TMEM87A: variants seen among roughly 807,000 people sequenced by gnomAD.
The protein encoded by TMEM87A is transmembrane protein 87A, also known as Golgi-pH regulating cation channel.
In TMEM87A, 50 loss-of-function variants were observed where a neutral mutation model predicts 90.0. That is an observed-to-expected ratio of 0.56 (90% confidence interval 0.44 to 0.70). The LOEUF is 0.70. Among genes scored for constraint, TMEM87A ranks in the 30% least tolerant of loss-of-function variants. The pLI is 0.00. For synonymous variants in TMEM87A, 226 were observed against 226.7 expected (o/e 1.00, Z 0.03); for missense variants, 577 against 660.5 (o/e 0.87, Z 1.39).
rs78460759 is a variant in TMEM87A at position 42,232,285 on chromosome 15, G to A, written c.1062+928C>T. On this transcript the variant is annotated intron_variant, in intron 11 of 19. Transcript: ENST00000389834. ...CTCTGTTGCTGGAGTGTAATGGCAT[G>A]ATCATGGCTCACCGCAGCCTGAACT... 2.1e-3 allele frequency among the ~76,000 whole-genome samples: 322 copies of A among 152,204 alleles called. 4 individuals are homozygous for A. The highest frequency in any genetic ancestry group is 7.6e-3 in the African/African-American group (314 of 41,534).
chr15:42,219,539 G>T, intron 17 of TMEM87A, 42 bp downstream of exon 17: 2 of 1,487,980 alleles, frequency 1.3e-6, no homozygotes, highest in Non-Finnish European at 1.8e-6. Context: ...AGGGTTGGAA[G>T]ATGGGACAAA....
rs774442818 is a variant in TMEM87A, at chr15:42,211,779, T to G, written c.1627-30A>C. The G allele has an allele frequency of 3.1e-6, 5 of 1,603,104 alleles. No homozygotes were observed. In the Admixed American group the frequency reaches 6.7e-5, roughly 22 times the overall value. ...GGAAAAAAAAAAAGGTTGAAGTATATTAGGTTAAAATGATCTATATTCCAA... is the reference window on the plus strand; with the variant it reads ...GGAAAAAAAAAAAGGTTGAAGTATAGTAGGTTAAAATGATCTATATTCCAA... On this transcript the variant is annotated intron_variant, in intron 19 of 19. Transcript: ENST00000389834.
At chr15:42,252,999 G>A (rs1474373690) in intron 6 of TMEM87A, among the ~76,000 whole-genome samples, 1 of 152,088 alleles carries the variant, frequency 6.6e-6, no homozygotes, top group Non-Finnish European at 1.5e-5. Context: ...AACCATTTTT[G>A]TAAAGTCTGC....
chr15:42,269,947 A>AAAC (rs1368872958), intron 2 of TMEM87A, among the ~76,000 whole-genome samples: 4 of 150,184 alleles, frequency 2.7e-5, no homozygotes, highest in African/African-American at 9.9e-5. Flanking sequence ...CGTCTCAAAA[A>AAAC]AAAAAAAAAA....
intron 12 of TMEM87A, among the ~76,000 whole-genome samples, chr15:42,230,461 T>C (rs950488418): frequency 2.7e-4 from 41 of 152,174 alleles, no homozygotes; most frequent in African/African-American, 9.4e-4. Context: ...GGACCAAATA[T>C]ATAAAAACCA....
At chr15:42,265,734 T>TGCAATTGCTTTTGGCGCAATTGCTTTTG (rs1477268424) in intron 3 of TMEM87A, among the ~76,000 whole-genome samples, 3 of 152,246 alleles carry the variant, frequency 2.0e-5, no homozygotes, top group African/African-American at 7.2e-5. Flanking sequence ...TTGCTTTTGT[T>TGCAATTGCTTTTGGCGCAATTGCTTTTG]GCAATTGCTT....
Position 42,233,312 on chromosome 15 carries a change from G to A in TMEM87A, c.969-6C>T. On this transcript the variant is annotated splice_region_variant and splice_polypyrimidine_tract_variant and intron_variant, in intron 10 of 19. Transcript: ENST00000389834. ...GAGTGACTCCAAGGCGTGGCCTAAA[G>A]AGGAAGCAAGGAGATATTTGAGTAC... The A allele has an allele frequency of 1.9e-6, 3 of 1,611,256 alleles. No individual in the cohort carries two copies. The highest frequency in any genetic ancestry group is 2.5e-6 in the Non-Finnish European group (3 of 1,178,012).
At chr15:42,220,386 T>C (rs1267337857) in intron 15 of TMEM87A, among the ~76,000 whole-genome samples, 1 of 152,182 alleles carries the variant, frequency 6.6e-6, no homozygotes, top group Non-Finnish European at 1.5e-5. Context: ...AGTTACTTAA[T>C]CTCTCTGTAC....
intron 6 of TMEM87A, among the ~76,000 whole-genome samples, chr15:42,251,046 G>A (rs1035857788): frequency 5.3e-5 from 8 of 151,986 alleles, no homozygotes; most frequent in African/African-American, 1.9e-4. Flanking sequence ...ACTGAAGCTT[G>A]TGCATGCATC....
At chr15:42,250,169 TGAGATG>T (rs2051057187) in intron 6 of TMEM87A, among the ~76,000 whole-genome samples, 1 of 152,232 alleles carries the variant, frequency 6.6e-6, no homozygotes, top group African/African-American at 2.4e-5. Flanking sequence ...TCTCTGCACA[TGAGATG>T]GGTATCCTGA....
intron 13 of TMEM87A, among the ~76,000 whole-genome samples, chr15:42,228,482 G>A (rs184757972): frequency 9.2e-5 from 14 of 152,244 alleles, no homozygotes; most frequent in Admixed American, 7.2e-4. Flanking sequence ...ATAGAAGAGG[G>A]ATAAATGAAG....
At chr15:42,223,665 C>A (rs1371459836) in intron 15 of TMEM87A, among the ~76,000 whole-genome samples, 2 of 152,140 alleles carry the variant, frequency 1.3e-5, no homozygotes, top group Non-Finnish European at 2.9e-5. Flanking sequence ...GCTGACACTG[C>A]GAGCCAACAA....
At chr15:42,266,341 C>G (rs1315229777) in intron 3 of TMEM87A, among the ~76,000 whole-genome samples, 1 of 151,998 alleles carries the variant, frequency 6.6e-6, no homozygotes, top group African/African-American at 2.4e-5. Flanking sequence ...CATGGCAAAA[C>G]CCCATCTTTA....
At chr15:42,258,784 T>G (rs1204815201) in intron 6 of TMEM87A, 2 of 1,442,372 alleles carry the variant, frequency 1.4e-6, no homozygotes, top group Non-Finnish European at 1.8e-6. Context: ...TAACTTACAT[T>G]CAGTTAAAAT....
At chr15:42,255,152 A>G (rs2140969834) in intron 6 of TMEM87A, among the ~76,000 whole-genome samples, 1 of 151,726 alleles carries the variant, frequency 6.6e-6, no homozygotes, top group African/African-American at 2.4e-5. Context: ...TTTTTTTTTA[A>G]GACGGAGTTT....
chr15:42,254,096 C>G (rs147917304), intron 6 of TMEM87A, among the ~76,000 whole-genome samples: 3 of 151,056 alleles, frequency 2.0e-5, no homozygotes, highest in African/African-American at 7.3e-5. Context: ...AGCTTGTGAA[C>G]AGAACTGTTT....
At chr15:42,251,877 G>C (rs1295139487) in intron 6 of TMEM87A, among the ~76,000 whole-genome samples, 1 of 152,244 alleles carries the variant, frequency 6.6e-6, no homozygotes, top group African/African-American at 2.4e-5. Flanking sequence ...AGGCAGGCAG[G>C]CCTCACTGAG....
At chr15:42,241,556 C>A (rs2050868068) in intron 7 of TMEM87A, among the ~76,000 whole-genome samples, 1 of 152,088 alleles carries the variant, frequency 6.6e-6, no homozygotes, top group Non-Finnish European at 1.5e-5. Context: ...GTTTTATAAA[C>A]CTTGCTGCAA....
intron 11 of TMEM87A, chr15:42,232,065 C>T: frequency 7.8e-6 from 2 of 257,662 alleles, no homozygotes; most frequent in Non-Finnish European, 1.4e-5. Context: ...TATTGCAAAA[C>T]ATATTGAGCC....
Sources: gnomAD v4.1 joint callset for allele counts (sites outside exome capture counted in the v4.1 genomes callset) on GRCh38, gnomAD v4.1.1 for gene constraint, MANE v1.5 for transcripts, NCBI Gene and HGNC (gene_info 2026-07-23, HGNC 2026-07-21) for gene names.